The following LDB2 variants were observed in gnomAD, a reference collection of about 807,000 sequenced individuals.
LDB2 encodes the protein LIM domain-binding protein 2.
In LDB2, 12 loss-of-function variants were observed where a neutral mutation model predicts 44.3. The ratio of observed to expected loss-of-function variants is 0.27; its 90% CI spans 0.17 to 0.44. LDB2 has a LOEUF of 0.44. Among genes scored for constraint, LDB2 ranks in the 20% least tolerant of loss-of-function variants. LDB2 has a pLI of 1.00. For missense variants in LDB2, 344 were observed against 473.5 expected (o/e 0.73, Z 2.54); for synonymous variants, 164 against 174.8 (o/e 0.94, Z 0.49).
chr4:16,595,838 A>G lies in LDB2; in HGVS notation c.273T>C (p.Thr91=). Residue 91 remains threonine (T), a synonymous_variant, in exon 3 of 8, where the codon ACT becomes ACC. Coordinates refer to ENST00000304523, the MANE Select transcript of LDB2 (RefSeq NM_001290.5). ...GRTLIPRYFS[T]VFEGGVTDLY... ...GGTCGGTCACCCCTCCTTCAAACAC[A>G]GTGCTAAAGTAACGGGGGATGAGGG... is the stretch of plus-strand genomic sequence containing the variant. 1.2e-6 allele frequency: 2 copies of G among 1,613,626 alleles called. No individual in the cohort carries two copies. The highest frequency in any genetic ancestry group is 1.7e-6 in the Non-Finnish European group (2 of 1,179,750).
At chr4:16,853,123 A>G (rs1178178685) in intron 1 of LDB2, among the ~76,000 whole-genome samples, 1 of 152,232 alleles carries the variant, frequency 6.6e-6, no homozygotes, top group Non-Finnish European at 1.5e-5. Flanking sequence ...TTATGCTACA[A>G]GAATTAAGAA....
At chr4:16,835,745 A>C (rs1784794648) in intron 1 of LDB2, among the ~76,000 whole-genome samples, 1 of 152,218 alleles carries the variant, frequency 6.6e-6, no homozygotes, top group African/African-American at 2.4e-5. Context: ...ATTGCTCTAT[A>C]GCCTCAGCAA....
intron 1 of LDB2, among the ~76,000 whole-genome samples, chr4:16,836,193 C>A (rs1053654867): frequency 6.6e-6 from 1 of 152,164 alleles, no homozygotes; most frequent in Non-Finnish European, 1.5e-5. Context: ...GTTGGTCATT[C>A]ACAAAGAAGA....
At chr4:16,764,647 G>A (rs1283556857) in intron 1 of LDB2, among the ~76,000 whole-genome samples, 2 of 152,212 alleles carry the variant, frequency 1.3e-5, no homozygotes, top group East Asian at 1.9e-4. Context: ...AAGAGACCAT[G>A]GTCATTTGAA....
chr4:16,802,282 G>A (rs1777988636), intron 1 of LDB2, among the ~76,000 whole-genome samples: 1 of 152,198 alleles, frequency 6.6e-6, no homozygotes, highest in Non-Finnish European at 1.5e-5. Flanking sequence ...ACTGCTGATT[G>A]TCTATTGCTT....
At chr4:16,764,477 C>T (rs1345828212) in intron 1 of LDB2, among the ~76,000 whole-genome samples, 1 of 151,138 alleles carries the variant, frequency 6.6e-6, no homozygotes, top group Non-Finnish European at 1.5e-5. Flanking sequence ...CTGGTAGACA[C>T]TCAGTTCTTG....
At chr4:16,686,473 T>TGTGCTC (rs1258051067) in intron 2 of LDB2, among the ~76,000 whole-genome samples, 2 of 152,228 alleles carry the variant, frequency 1.3e-5, no homozygotes, top group African/African-American at 4.8e-5. Context: ...CCTCACAGAT[T>TGTGCTC]GTGCTCTTGC....
At chr4:16,850,947 AGTGTGTGT>A (rs71181193) in intron 1 of LDB2, among the ~76,000 whole-genome samples, 5 of 143,070 alleles carry the variant, frequency 3.5e-5, no homozygotes, top group Non-Finnish European at 6.0e-5. Flanking sequence ...TAAAACCATA[AGTGTGTGT>A]GTGTGTGTGT....
At chr4:16,534,370 A>T (rs1190964883) in intron 5 of LDB2, among the ~76,000 whole-genome samples, 1 of 152,052 alleles carries the variant, frequency 6.6e-6, no homozygotes, top group Non-Finnish European at 1.5e-5. Flanking sequence ...ACGAACTTTT[A>T]CCCCAATGGG....
chr4:16,771,739 T>C (rs1024986032), intron 1 of LDB2, among the ~76,000 whole-genome samples: 4 of 152,218 alleles, frequency 2.6e-5, no homozygotes, highest in South Asian at 2.1e-4. Flanking sequence ...CCCATGTTTC[T>C]TTCCTTCCAC....
At position 16,707,774 on chromosome 4, in the gene LDB2, G is replaced by C. The variant is rs1372560265; in HGVS notation, c.235+51384C>G. Among the ~76,000 whole-genome samples, 6 of 152,016 alleles carry C rather than the reference G, an allele frequency of 3.9e-5. 1 individual carries two copies. The South Asian group carries it at 1.0e-3, about 26-fold the overall frequency. ...AGCTGCTCAGCCTCAGCTCAAAAAA[G>C]AAATGCTTAAAATCTGGGTGATTGA... On this transcript the variant is annotated intron_variant, in intron 2 of 7. Coordinates refer to ENST00000304523, the MANE Select transcript of LDB2 (RefSeq NM_001290.5).
At chr4:16,549,841 C>T (rs896987810) in intron 5 of LDB2, among the ~76,000 whole-genome samples, 14 of 152,094 alleles carry the variant, frequency 9.2e-5, no homozygotes, top group African/African-American at 3.4e-4. Context: ...AAATATTTTG[C>T]TAAAGGGCAG....
intron 2 of LDB2, among the ~76,000 whole-genome samples, chr4:16,597,645 T>A (rs985695546): frequency 6.6e-6 from 1 of 152,198 alleles, no homozygotes; most frequent in African/African-American, 2.4e-5. Context: ...AAAATGCAGA[T>A]GTAGGCCAAA....
At chr4:16,844,868 C>A (rs188486820) in intron 1 of LDB2, among the ~76,000 whole-genome samples, 1 of 152,176 alleles carries the variant, frequency 6.6e-6, no homozygotes, top group East Asian at 1.9e-4. Context: ...AGGCTTGATA[C>A]TGTATTAAAC....
intron 5 of LDB2, among the ~76,000 whole-genome samples, chr4:16,522,598 C>A (rs1167373139): frequency 2.0e-5 from 3 of 152,082 alleles, no homozygotes; most frequent in East Asian, 1.9e-4. Flanking sequence ...GTCCTACAAC[C>A]AATCCCCTAT....
At chr4:16,715,523 G>A (rs1250714546) in intron 2 of LDB2, among the ~76,000 whole-genome samples, 3 of 152,088 alleles carry the variant, frequency 2.0e-5, no homozygotes, top group African/African-American at 7.2e-5. Flanking sequence ...CTAGCAATAA[G>A]GCAGAGAAAT....
chr4:16,526,457 G>T (rs1238231293), intron 5 of LDB2, among the ~76,000 whole-genome samples: 1 of 152,096 alleles, frequency 6.6e-6, no homozygotes, highest in Non-Finnish European at 1.5e-5. Context: ...GCTTCCCTGG[G>T]GCTGAAGATT....
At chr4:16,836,143 A>G (rs769840588) in intron 1 of LDB2, among the ~76,000 whole-genome samples, 2 of 152,254 alleles carry the variant, frequency 1.3e-5, no homozygotes, top group African/African-American at 4.8e-5. Flanking sequence ...TCCAAAGATA[A>G]TGACTGTATG....
chr4:16,681,855 G>A (rs774155816), intron 2 of LDB2, among the ~76,000 whole-genome samples: 10 of 152,072 alleles, frequency 6.6e-5, no homozygotes, highest in East Asian at 1.9e-4. Context: ...ACAGGCGTGA[G>A]CGACTGTGCC....
Sources: allele counts gnomAD v4.1 joint callset (sites outside exome capture counted in the v4.1 genomes callset), GRCh38; gene constraint gnomAD v4.1.1; transcripts MANE v1.5; gene names NCBI Gene and HGNC (gene_info 2026-07-23, HGNC 2026-07-21).